DCHS2: variants seen among roughly 807,000 people sequenced by gnomAD.
DCHS2 encodes the protein protocadherin-23.
Under a neutral mutation model 182.4 loss-of-function variants are expected in DCHS2, and 142 were observed. The ratio of observed to expected loss-of-function variants is 0.78; its 90% CI spans 0.68 to 0.89. DCHS2 has a LOEUF of 0.89. DCHS2 is among the 40% of genes least tolerant of loss of function. DCHS2 has a pLI of 0.00. For missense variants in DCHS2, 4,319 were observed against 4,198.6 expected, an observed-to-expected ratio of 1.03 and a Z score of -0.79; for synonymous variants, 1,740 against 1,663.3, an observed-to-expected ratio of 1.05 and a Z score of -1.12.
In DCHS2 at chr4:154,242,749, T is replaced by C. The variant is rs1731887273; in HGVS notation, c.6965A>G (p.Lys2322Arg). 3.7e-6 allele frequency: 6 copies of C among 1,611,836 alleles called. No homozygotes were observed. The East Asian group carries it at 1.3e-4, about 36-fold the overall frequency. ...SYSLIVQATD[K>R]GMPRLSNTTV... The stretch of plus-strand genomic sequence containing the variant: ...CGTATTAGAAAGCCTGGGCATCCCT[T>C]TATCTGTGGCTTGGACAATCAAGCT... Residue 2322 changes from lysine (K) to arginine (R), a missense_variant, in exon 17 of 20, where the codon AAA (lysine) becomes AGA (arginine). Physicochemically the swap from Lys to Arg is conservative, Grantham distance 26. Coordinates refer to ENST00000357232, the MANE Select transcript of DCHS2 (RefSeq NM_001358235.2).
chr4:154,369,555 G>T (rs1579015516), intron 2 of DCHS2, among the ~76,000 whole-genome samples: 1 of 152,298 alleles, frequency 6.6e-6, no homozygotes, highest in East Asian at 1.9e-4. Flanking sequence ...ATGAGAGACT[G>T]AGTCAGAGCC....
chr4:154,266,689 TAATC>T (rs1733284758), intron 14 of DCHS2, among the ~76,000 whole-genome samples: 4 of 151,904 alleles, frequency 2.6e-5, no homozygotes, highest in Admixed American at 2.6e-4. Context: ...TGTCAGTTTT[TAATC>T]AAAGTGTTGG....
intron 2 of DCHS2, among the ~76,000 whole-genome samples, chr4:154,371,885 C>T (rs1436079197): frequency 2.0e-5 from 3 of 152,130 alleles, no homozygotes; most frequent in African/African-American, 7.2e-5. Flanking sequence ...GAGAAATCCA[C>T]CCTCATGATC....
rs563501271 is a variant in DCHS2, at chr4:154,477,483, T to A, written c.2052+11821A>T. Among the ~76,000 whole-genome samples the A allele has an allele frequency of 2.0e-4, 30 of 151,918 alleles. 1 individual carries two copies. Among genetic ancestry groups the A allele is most frequent in the African/African-American group, 6.5e-4 (27 of 41,444 alleles). On this transcript the variant is annotated intron_variant, in intron 1 of 19. Coordinates refer to ENST00000357232, the MANE Select transcript of DCHS2 (RefSeq NM_001358235.2). ...TGAAATACAGAGGACTGGGGAAGAG[T>A]CCCTTGAAACAAGGATAGAGAGGCA...
chr4:154,404,872 C>T (rs1450217265), intron 1 of DCHS2, among the ~76,000 whole-genome samples: 2 of 152,208 alleles, frequency 1.3e-5, no homozygotes, highest in Non-Finnish European at 2.9e-5. Flanking sequence ...AGTGTATTTG[C>T]TAACCTGTCA....
At position 154,329,582 on chromosome 4, in the gene DCHS2, T is replaced by A; in HGVS notation, c.3859A>T (p.Ile1287Phe). 2 of 1,613,638 alleles carry A rather than the reference T, an allele frequency of 1.2e-6. No homozygotes were observed. Among genetic ancestry groups the A allele is most frequent in the South Asian group, 2.2e-5 (2 of 91,046 alleles). The change falls in exon 6 of 20, where the codon ATC (isoleucine) becomes TTC (phenylalanine). Residue 1287 changes from isoleucine (I) to phenylalanine (F), a missense_variant. Coordinates refer to ENST00000357232, the MANE Select transcript of DCHS2 (RefSeq NM_001358235.2). ...TMAVYVSVTD[I>F]NDNRPFFPQC... ...GGGAAGAAGGGCCTGTTATCATTGA[T>A]GTCAGTAACTGAGACGTAAACCGCC...
intron 1 of DCHS2, among the ~76,000 whole-genome samples, chr4:154,475,698 A>G (rs148337155): frequency 0.014 from 2,074 of 152,312 alleles, 21 homozygotes; most frequent in Middle Eastern, 0.031. Flanking sequence ...CACCCAGTCT[A>G]TTAAGAGGCA....
At chr4:154,273,667 A>G (rs1733700051) in intron 13 of DCHS2, among the ~76,000 whole-genome samples, 1 of 152,030 alleles carries the variant, frequency 6.6e-6, no homozygotes, top group Non-Finnish European at 1.5e-5. Context: ...AATATTATAT[A>G]TATGTATATT....
intron 1 of DCHS2, among the ~76,000 whole-genome samples, chr4:154,426,292 G>A (rs1733322185): frequency 6.6e-6 from 1 of 152,132 alleles, no homozygotes; most frequent in Admixed American, 6.5e-5. Context: ...GTTTTTAGTG[G>A]CAGACAGTGT....
intron 13 of DCHS2, among the ~76,000 whole-genome samples, chr4:154,284,827 A>G (rs1734316806): frequency 6.6e-6 from 1 of 152,106 alleles, no homozygotes; most frequent in Non-Finnish European, 1.5e-5. Context: ...ATTCCTGGAT[A>G]AGGAATTGTG....
chr4:154,368,232 GA>G (rs1407040083), intron 2 of DCHS2, among the ~76,000 whole-genome samples: 3 of 152,138 alleles, frequency 2.0e-5, no homozygotes, highest in African/African-American at 4.8e-5. Flanking sequence ...TAAGCTTATA[GA>G]AAATATTCCT....
chr4:154,339,581 C>T (rs1728968251), intron 3 of DCHS2, among the ~76,000 whole-genome samples: 1 of 151,878 alleles, frequency 6.6e-6, no homozygotes, highest in South Asian at 2.1e-4. Flanking sequence ...TCCTGAGTAG[C>T]TAGGACTACA....
intron 3 of DCHS2, among the ~76,000 whole-genome samples, chr4:154,349,784 G>C (rs565706230): frequency 6.6e-6 from 1 of 152,106 alleles, no homozygotes; most frequent in East Asian, 1.9e-4. Context: ...GTGTTGCTAC[G>C]ATTAACAGAT....
intron 1 of DCHS2, among the ~76,000 whole-genome samples, chr4:154,478,703 G>T (rs1213147147): frequency 1.3e-5 from 2 of 152,148 alleles, no homozygotes; most frequent in African/African-American, 4.8e-5. Flanking sequence ...CCAAATTTCT[G>T]ACTGACCTCT....
At position 154,237,439 on chromosome 4, in the gene DCHS2, A is replaced by G. The variant is rs1731585258; in HGVS notation, c.7493-280T>C. On this transcript the variant is annotated intron_variant, in intron 19 of 19. Coordinates refer to ENST00000357232, the MANE Select transcript of DCHS2 (RefSeq NM_001358235.2). Reference sequence around the variant, plus strand: ...AAATTCCTCTGAATTTTGTTTTTGTATAGTAAGTTGTTCCACTATTCTTAA... The same window carrying G: ...AAATTCCTCTGAATTTTGTTTTTGTGTAGTAAGTTGTTCCACTATTCTTAA... The G allele has an allele frequency of 1.4e-5, 4 of 294,652 alleles. No individual in the cohort carries two copies. In the South Asian group the frequency reaches 4.0e-4, roughly 30 times the overall value. 18.3% of individuals were successfully genotyped at this position (294,652 alleles called of 1,614,324 possible).
At chr4:154,464,076 G>A (rs114876308) in intron 1 of DCHS2, among the ~76,000 whole-genome samples, 2,363 of 152,222 alleles carry the variant, frequency 0.016, 58 homozygotes, top group African/African-American at 0.053. Flanking sequence ...TAATGCCCAT[G>A]TATTGTTGGA....
intron 7 of DCHS2, among the ~76,000 whole-genome samples, chr4:154,327,418 A>T (rs923963361): frequency 2.0e-5 from 3 of 152,180 alleles, no homozygotes; most frequent in Non-Finnish European, 2.9e-5. Context: ...GGTTGCCTAT[A>T]GCATCTCTTG....
At chr4:154,311,818 A>C (rs1431114028) in intron 10 of DCHS2, among the ~76,000 whole-genome samples, 3 of 152,178 alleles carry the variant, frequency 2.0e-5, no homozygotes, top group Non-Finnish European at 4.4e-5. Flanking sequence ...GGAGAAGTTC[A>C]CAGCCTAGAG....
intron 1 of DCHS2, among the ~76,000 whole-genome samples, chr4:154,424,919 A>G (rs1375574053): frequency 6.6e-6 from 1 of 152,222 alleles, no homozygotes; most frequent in Non-Finnish European, 1.5e-5. Flanking sequence ...CAACAGGTAC[A>G]GAGTCAAAGA....
Sources: allele counts gnomAD v4.1 joint callset (sites outside exome capture counted in the v4.1 genomes callset), GRCh38; gene constraint gnomAD v4.1.1; transcripts MANE v1.5; gene names NCBI Gene and HGNC (gene_info 2026-07-23, HGNC 2026-07-21).